OLA1: variants seen among roughly 807,000 people sequenced by gnomAD.
OLA1 encodes Obg like ATPase 1.
A neutral mutation model predicts 48.4 loss-of-function variants in OLA1; 14 were observed. That is an observed-to-expected ratio of 0.29 (90% CI 0.19 to 0.45). The LOEUF (loss-of-function observed/expected upper bound fraction) is 0.45, where lower values mean the gene tolerates loss of function less well. Among genes scored for constraint, OLA1 ranks in the 20% least tolerant of loss-of-function variants. OLA1 has a pLI of 1.00. For synonymous variants in OLA1, 127 were observed against 150.4 expected, an observed-to-expected ratio of 0.84 and a Z score of 1.14; for missense variants, 325 against 467.1, an observed-to-expected ratio of 0.70 and a Z score of 2.80.
At chr2:174,113,190 C>A (rs1685697213) in intron 7 of OLA1, among the ~76,000 whole-genome samples, 1 of 152,132 alleles carries the variant, frequency 6.6e-6, no homozygotes, top group African/African-American at 2.4e-5. Context: ...GGTGATCCAC[C>A]CTTCTCAACC....
intron 3 of OLA1, among the ~76,000 whole-genome samples, chr2:174,225,409 G>C (rs1688593599): frequency 6.6e-6 from 1 of 152,144 alleles, no homozygotes; most frequent in South Asian, 2.1e-4. Context: ...AATTAGAAGG[G>C]TGTGGTAGCA....
intron 4 of OLA1, among the ~76,000 whole-genome samples, chr2:174,207,204 G>T (rs1356760947): frequency 3.9e-5 from 6 of 152,166 alleles, no homozygotes; most frequent in Admixed American, 2.6e-4. Context: ...TGCCTTAAGG[G>T]CTACAATTCC....
intron 7 of OLA1, among the ~76,000 whole-genome samples, chr2:174,113,546 G>T (rs993506667): frequency 6.6e-6 from 1 of 151,870 alleles, no homozygotes; most frequent in South Asian, 2.1e-4. Flanking sequence ...ATAAAATTAC[G>T]AGACAAGGCA....
intron 4 of OLA1, among the ~76,000 whole-genome samples, chr2:174,197,758 T>C (rs527276899): frequency 6.6e-6 from 1 of 152,330 alleles, no homozygotes; most frequent in East Asian, 1.9e-4. Flanking sequence ...GATCTACAAC[T>C]TCTCTTACAG....
chr2:174,088,126 G>A (rs1241912717), intron 7 of OLA1, among the ~76,000 whole-genome samples: 1 of 152,130 alleles, frequency 6.6e-6, no homozygotes, highest in Non-Finnish European at 1.5e-5. Flanking sequence ...TTACATAAAA[G>A]AGGCTCCAGG....
chr2:174,190,532 CTATATTTA>C (rs2105422467), intron 4 of OLA1, among the ~76,000 whole-genome samples: 1 of 151,426 alleles, frequency 6.6e-6, no homozygotes, highest in Admixed American at 6.6e-5. Flanking sequence ...GAAATATATT[CTATATTTA>C]TATATTTTAT....
At chr2:174,085,506 C>T (rs1015512360) in intron 7 of OLA1, among the ~76,000 whole-genome samples, 2 of 152,194 alleles carry the variant, frequency 1.3e-5, no homozygotes, top group Admixed American at 1.3e-4. Flanking sequence ...CCATCACCCA[C>T]CCATGGAAAA....
intron 4 of OLA1, among the ~76,000 whole-genome samples, chr2:174,144,944 AAAAAAAAATATAT>A (rs1339814579): frequency 1.3e-5 from 1 of 76,366 alleles, no homozygotes. Flanking sequence ...AAAAAAAAAA[AAAAAAAAATATAT>A]ATATATATAT....
intron 2 of OLA1, among the ~76,000 whole-genome samples, chr2:174,242,783 A>C (rs1317209781): frequency 1.3e-5 from 2 of 152,200 alleles, no homozygotes; most frequent in African/African-American, 4.8e-5. Flanking sequence ...TTTCGCCCCC[A>C]ATATTCTCTA....
chr2:174,160,005 C>T (rs912700427), intron 4 of OLA1, among the ~76,000 whole-genome samples: 5 of 152,020 alleles, frequency 3.3e-5, no homozygotes, highest in African/African-American at 1.2e-4. Flanking sequence ...ACAAGTTTTA[C>T]TTCATAGGAG....
chr2:174,138,163 A>G (rs139103599), intron 5 of OLA1, among the ~76,000 whole-genome samples: 290 of 152,390 alleles, frequency 1.9e-3, no homozygotes, highest in African/African-American at 5.9e-3. Context: ...CTTTCAGCCT[A>G]TCTTAGCTGT....
At chr2:174,083,748 A>C (rs1222171674) in intron 7 of OLA1, among the ~76,000 whole-genome samples, 1 of 152,184 alleles carries the variant, frequency 6.6e-6, no homozygotes, top group East Asian at 1.9e-4. Context: ...TTAAAATCAA[A>C]TATGTAATTT....
intron 4 of OLA1, among the ~76,000 whole-genome samples, chr2:174,202,320 T>A (rs2105433291): frequency 6.6e-6 from 1 of 152,352 alleles, no homozygotes; most frequent in Non-Finnish European, 1.5e-5. Context: ...CATACTGTAC[T>A]ACCATAATAA....
chr2:174,083,308 G>A (rs1684897683), intron 7 of OLA1, among the ~76,000 whole-genome samples: 2 of 152,102 alleles, frequency 1.3e-5, no homozygotes, highest in Non-Finnish European at 2.9e-5. Flanking sequence ...ATCCATCAAT[G>A]GCAGGGGAGC....
chr2:174,179,029 A>G (rs1687475982), intron 4 of OLA1, among the ~76,000 whole-genome samples: 1 of 151,952 alleles, frequency 6.6e-6, no homozygotes, highest in Non-Finnish European at 1.5e-5. Flanking sequence ...TATAACTTAT[A>G]TTAAAACTAT....
At chr2:174,184,412 C>T (rs1233241727) in intron 4 of OLA1, among the ~76,000 whole-genome samples, 4 of 151,956 alleles carry the variant, frequency 2.6e-5, no homozygotes, top group Non-Finnish European at 5.9e-5. Context: ...ACCAGATGAG[C>T]CCAATATAAG....
In OLA1 at chr2:174,094,556, C is replaced by T. The variant is rs76757823; in HGVS notation, c.729-12492G>A. Among the ~76,000 whole-genome samples the T allele has an allele frequency of 5.9e-5, 9 of 152,300 alleles. 1 individual carries two copies. In the East Asian group the frequency reaches 1.3e-3, roughly 23 times the overall value. On this transcript the variant is annotated intron_variant, in intron 7 of 10. Coordinates refer to ENST00000284719, the MANE Select transcript of OLA1 (RefSeq NM_013341.5). ...CTATATAACTACAGTACTCAAGACT[C>T]GGCAGCACTGGCACGAGACTAGACG... is the stretch of plus-strand genomic sequence containing the variant.
intron 7 of OLA1, among the ~76,000 whole-genome samples, chr2:174,098,734 A>AAT (rs1418608854): frequency 6.6e-6 from 1 of 152,170 alleles, no homozygotes; most frequent in Non-Finnish European, 1.5e-5. Flanking sequence ...ATGAAGATTA[A>AAT]ATAAGGACGT....
At chr2:174,111,229 T>G (rs1421559132) in intron 7 of OLA1, among the ~76,000 whole-genome samples, 1 of 152,186 alleles carries the variant, frequency 6.6e-6, no homozygotes, top group Non-Finnish European at 1.5e-5. Flanking sequence ...ATATTGCAAT[T>G]ATGTTTGCTC....
Sources: allele counts gnomAD v4.1 joint callset (sites outside exome capture counted in the v4.1 genomes callset), GRCh38; gene constraint gnomAD v4.1.1; transcripts MANE v1.5; gene names NCBI Gene and HGNC (gene_info 2026-07-23, HGNC 2026-07-21).